The following FREM3 variants were observed in gnomAD, a reference collection of about 807,000 sequenced individuals.
FREM3 encodes the protein FRAS1 related extracellular matrix 3.
In FREM3, 105 loss-of-function variants were observed where a neutral mutation model predicts 129.1. The ratio of observed to expected loss-of-function variants is 0.81; its 90% CI spans 0.69 to 0.96. The LOEUF (loss-of-function observed/expected upper bound fraction) is 0.96. Ranked by LOEUF, FREM3 falls within the 40% of genes least tolerant of loss-of-function variation. FREM3 has a pLI of 0.00. For missense variants in FREM3, 2,593 were observed against 2,666.3 expected (o/e 0.97, Z 0.61); for synonymous variants, 1,014 against 1,044.9 (o/e 0.97, Z 0.57).
chr4:143,637,825 A>C (rs968089189), intron 2 of FREM3, among the ~76,000 whole-genome samples: 2 of 152,150 alleles, frequency 1.3e-5, no homozygotes, highest in Non-Finnish European at 2.9e-5. Flanking sequence ...CCACTCACAG[A>C]CAATGCTCTT....
At chr4:143,685,081 G>A (rs1429930422) in intron 2 of FREM3, among the ~76,000 whole-genome samples, 1 of 152,072 alleles carries the variant, frequency 6.6e-6, no homozygotes, top group African/African-American at 2.4e-5. Flanking sequence ...AACATTTTTG[G>A]GGGAATAATC....
intron 6 of FREM3, among the ~76,000 whole-genome samples, chr4:143,587,425 G>C (rs964018995): frequency 6.6e-6 from 1 of 152,164 alleles, no homozygotes; most frequent in Non-Finnish European, 1.5e-5. Context: ...CTCAGAAAAG[G>C]GTGGTAGGGT....
chr4:143,650,258 A>G (rs1441182224), intron 2 of FREM3, among the ~76,000 whole-genome samples: 1 of 152,240 alleles, frequency 6.6e-6, no homozygotes, highest in African/African-American at 2.4e-5. Flanking sequence ...GCCTGAATAG[A>G]TGAAAACCAA....
chr4:143,644,181 GT>G (rs1739373864), intron 2 of FREM3, among the ~76,000 whole-genome samples: 2 of 149,574 alleles, frequency 1.3e-5, no homozygotes, highest in African/African-American at 4.9e-5. Flanking sequence ...CTGCATATGT[GT>G]GTGTGTGTGT....
chr4:143,580,224 T>C (rs1326891296), intron 7 of FREM3, among the ~76,000 whole-genome samples: 1 of 151,948 alleles, frequency 6.6e-6, no homozygotes, highest in African/African-American at 2.4e-5. Flanking sequence ...ATTTTCTAGG[T>C]GGACAGGTTG....
chr4:143,648,426 T>G (rs893475820), intron 2 of FREM3, among the ~76,000 whole-genome samples: 2 of 152,016 alleles, frequency 1.3e-5, no homozygotes, highest in Non-Finnish European at 2.9e-5. Context: ...AGGGATGGAG[T>G]GAAATGGTTT....
Position 143,695,673 on chromosome 4 carries a change from G to T in FREM3, c.5003C>A (p.Ala1668Asp), listed in dbSNP as rs914631568. 2.6e-6 allele frequency: 4 copies of T among 1,537,218 alleles called. No individual in the cohort carries two copies. In the South Asian group the frequency reaches 3.6e-5, roughly 14 times the overall value. ...AGTGTGAAGGCGCTTCAAGGCTGGG[G>T]CACCCCTGTTGGTAGTAATCTGGGG... is the stretch of plus-strand genomic sequence containing the variant. ...RLPQITTNRGAPALKRLHTGH... is the reference protein window; with the variant it reads ...RLPQITTNRGDPALKRLHTGH... Residue 1668 changes from alanine (A) to aspartate (D), a missense_variant, in exon 1 of 8, where the codon GCC becomes GAC. Ala to Asp is a moderately radical substitution (Grantham distance 126). Coordinates refer to ENST00000329798, the MANE Select transcript of FREM3 (RefSeq NM_001168235.2).
chr4:143,608,067 A>G (rs1382778164), intron 6 of FREM3, among the ~76,000 whole-genome samples: 3 of 152,034 alleles, frequency 2.0e-5, no homozygotes, highest in African/African-American at 7.2e-5. Flanking sequence ...TCTTATAGGG[A>G]CCCTGCTGAT....
intron 2 of FREM3, among the ~76,000 whole-genome samples, chr4:143,690,943 G>GT (rs1192199674): frequency 6.6e-6 from 1 of 152,096 alleles, no homozygotes; most frequent in African/African-American, 2.4e-5. Context: ...GAGGCCTAGA[G>GT]TTCGAGGTTG....
Position 143,693,012 on chromosome 4 carries a change from C to T in FREM3, c.5275+101G>A, listed in dbSNP as rs558568299. On this transcript the variant is annotated intron_variant, in intron 2 of 7. Coordinates refer to ENST00000329798, the MANE Select transcript of FREM3 (RefSeq NM_001168235.2). ...ATTATTTATTGTGATTACTTGCTTA[C>T]ATGATGCCTATACTTGCCCAGAAAT... 6.3e-5 allele frequency: 30 copies of T among 479,486 alleles called. No homozygotes were observed. In the South Asian group the frequency reaches 1.4e-3, roughly 23 times the overall value. 29.7% of individuals were successfully genotyped at this position (479,486 alleles called of 1,614,324 possible). A position where few individuals can be genotyped will look rare whatever the true frequency, so the allele number is the denominator to read the frequency against.
intron 6 of FREM3, among the ~76,000 whole-genome samples, chr4:143,607,970 C>T (rs1356438783): frequency 2.0e-5 from 3 of 152,152 alleles, no homozygotes; most frequent in Admixed American, 2.0e-4. Flanking sequence ...CGGCTTGTGG[C>T]CCTTTCCTCC....
At chr4:143,594,778 C>G (rs1425768918) in intron 6 of FREM3, among the ~76,000 whole-genome samples, 1 of 152,154 alleles carries the variant, frequency 6.6e-6, no homozygotes, top group Non-Finnish European at 1.5e-5. Flanking sequence ...TTTCTAGATG[C>G]TCTAGGTATT....
chr4:143,611,345 C>T lies in FREM3; in HGVS notation c.5962G>A (p.Val1988Met), dbSNP rs1270303952. 4 of 1,537,020 alleles carry T rather than the reference C, an allele frequency of 2.6e-6. No individual in the cohort carries two copies. Among genetic ancestry groups the T allele is most frequent in the Middle Eastern group, 1.7e-4 (1 of 6,010 alleles). The change falls in exon 6 of 8, where the codon GTG (valine) becomes ATG (methionine). Residue 1988 changes from valine to methionine, a missense_variant. Coordinates refer to ENST00000329798, the MANE Select transcript of FREM3 (RefSeq NM_001168235.2). ...AATCTGGCTCCCAGCTGTCCTCCCA[C>T]TGGCAGCCTAAGTGAAACGCTGAAG... ...ESFSVSLRLP[V>M]GGQLGARFPT...
Position 143,697,576 on chromosome 4 carries a change from C to T in FREM3, c.3100G>A (p.Ala1034Thr). The T allele has an allele frequency of 1.3e-6, 2 of 1,537,550 alleles. No homozygotes were observed. Among genetic ancestry groups the T allele is most frequent in the Non-Finnish European group, 1.7e-6 (2 of 1,146,972 alleles). Reference sequence around the variant, plus strand: ...TCTTTGGAGAGGATGAGGCTGAAGGCATCGTGCTGCTTTTGAAAACCAACT... The same window carrying T: ...TCTTTGGAGAGGATGAGGCTGAAGGTATCGTGCTGCTTTTGAAAACCAACT... ...GEVGFQKQHDAFSLILSKDSY... is the reference protein window; with the variant it reads ...GEVGFQKQHDTFSLILSKDSY... The change falls in exon 1 of 8, where the codon GCC becomes ACC. Residue 1034 changes from alanine (A) to threonine (T), a missense_variant. Ala to Thr is a moderately conservative substitution (Grantham distance 58). Transcript: ENST00000329798.
intron 5 of FREM3, among the ~76,000 whole-genome samples, 170 bp from the exon 6 acceptor site, chr4:143,611,697 A>C (rs567822036): frequency 3.3e-5 from 5 of 152,368 alleles, no homozygotes; most frequent in African/African-American, 1.2e-4. Flanking sequence ...CTTTTGGAAT[A>C]GACTCTGGTA....
In FREM3 at chr4:143,671,956, G is replaced by T. The variant is rs188115622; in HGVS notation, c.5275+21157C>A. On this transcript the variant is annotated intron_variant, in intron 2 of 7. Coordinates refer to ENST00000329798, the MANE Select transcript of FREM3 (RefSeq NM_001168235.2). ...ATTTTATAGTCAAGCACTGGGGATG[G>T]ATGTACAATATTTTATAAAATGCTG... Among the ~76,000 whole-genome samples, 3 of 152,236 alleles carry T rather than the reference G, an allele frequency of 2.0e-5. No homozygotes were observed. In the East Asian group the frequency reaches 5.8e-4, roughly 29 times the overall value.
intron 2 of FREM3, among the ~76,000 whole-genome samples, chr4:143,680,932 C>T (rs1276974745): frequency 1.3e-5 from 2 of 151,996 alleles, no homozygotes; most frequent in Admixed American, 1.3e-4. Flanking sequence ...GGACAGCCAC[C>T]TAAACAGAAA....
chr4:143,592,868 A>C (rs1446139192), intron 6 of FREM3, among the ~76,000 whole-genome samples: 2 of 152,110 alleles, frequency 1.3e-5, no homozygotes, highest in Non-Finnish European at 2.9e-5. Flanking sequence ...CGTCACTTTC[A>C]GGTACACCAG....
intron 2 of FREM3, among the ~76,000 whole-genome samples, chr4:143,631,497 C>G (rs1739139467): frequency 6.6e-6 from 1 of 152,198 alleles, no homozygotes; most frequent in Non-Finnish European, 1.5e-5. Flanking sequence ...GCAAACATTA[C>G]AATGCCTGGC....
Sources: gnomAD v4.1 joint callset for allele counts (sites outside exome capture counted in the v4.1 genomes callset) on GRCh38, gnomAD v4.1.1 for gene constraint, MANE v1.5 for transcripts, NCBI Gene and HGNC (gene_info 2026-07-23, HGNC 2026-07-21) for gene names.